The following GRIK2 variants were observed in gnomAD, a reference collection of about 807,000 sequenced individuals.
GRIK2 encodes glutamate receptor ionotropic, kainate 2.
Under a neutral mutation model 100.3 loss-of-function variants are expected in GRIK2, and 32 were observed. The ratio of observed to expected loss-of-function variants is 0.32; its 90% CI spans 0.24 to 0.43. The LOEUF is 0.43. Ranked by LOEUF, GRIK2 falls within the 20% of genes least tolerant of loss-of-function variation. GRIK2 has a pLI of 1.00. For synonymous variants in GRIK2, 417 were observed against 389.4 expected (o/e 1.07, Z -0.83); for missense variants, 843 against 1,114.9 (o/e 0.76, Z 3.47).
At chr6:101,442,910 C>G (rs1453854798) in intron 2 of GRIK2, among the ~76,000 whole-genome samples, 1 of 152,158 alleles carries the variant, frequency 6.6e-6, no homozygotes, top group Non-Finnish European at 1.5e-5. Flanking sequence ...GTTAGCAAGT[C>G]TTGACTGAAT....
At chr6:101,969,350 G>T (rs1224808921) in intron 14 of GRIK2, among the ~76,000 whole-genome samples, 1 of 151,810 alleles carries the variant, frequency 6.6e-6, no homozygotes, top group Non-Finnish European at 1.5e-5. Flanking sequence ...TAAAATATTT[G>T]AATTTGTATA....
In GRIK2 at chr6:101,970,207, A is replaced by ATTTT. The variant is rs3029072; in HGVS notation, c.2085+41583_2085+41586dup. Among the ~76,000 whole-genome samples, 5 of 149,590 alleles carry ATTTT rather than the reference A, an allele frequency of 3.3e-5. No individual in the cohort carries two copies. The South Asian group carries it at 1.1e-3, about 31-fold the overall frequency. ...CTAATGCCAAAGGGCCAGAGTAATGATTTTTTTTTTTCTCTAGGATTTTTG... is the reference window on the plus strand; with the variant it reads ...CTAATGCCAAAGGGCCAGAGTAATGATTTTTTTTTTTTTTTCTCTAGGATTTTTG... On this transcript the variant is annotated intron_variant, in intron 14 of 16. Transcript: ENST00000369134.
intron 7 of GRIK2, among the ~76,000 whole-genome samples, chr6:101,711,122 G>T (rs1361659889): frequency 6.6e-6 from 1 of 151,652 alleles, no homozygotes; most frequent in Non-Finnish European, 1.5e-5. Context: ...TTTTGTTATT[G>T]CACCCCTCTA....
At chr6:102,036,194 A>G (rs1490188034) in intron 15 of GRIK2, among the ~76,000 whole-genome samples, 2 of 150,846 alleles carry the variant, frequency 1.3e-5, no homozygotes, top group Admixed American at 1.3e-4. Context: ...ATATATACAA[A>G]CATGTATGAA....
intron 10 of GRIK2, among the ~76,000 whole-genome samples, chr6:101,858,591 G>A (rs1003668020): frequency 1.3e-5 from 2 of 151,470 alleles, no homozygotes; most frequent in Non-Finnish European, 2.9e-5. Context: ...GGGTTTCACC[G>A]TGTTAGCCAG....
chr6:101,861,810 T>A (rs1469400748), intron 11 of GRIK2, among the ~76,000 whole-genome samples: 1 of 152,144 alleles, frequency 6.6e-6, no homozygotes, highest in Non-Finnish European at 1.5e-5. Context: ...TGAAAATCAC[T>A]GATAATGAGG....
chr6:101,564,412 G>T (rs893773407), intron 2 of GRIK2, among the ~76,000 whole-genome samples: 1 of 151,962 alleles, frequency 6.6e-6, no homozygotes. Context: ...AAGCCTTTTT[G>T]AAAATATAAG....
chr6:102,019,867 G>T (rs1184249836), intron 14 of GRIK2, among the ~76,000 whole-genome samples: 1 of 151,856 alleles, frequency 6.6e-6, no homozygotes, highest in Non-Finnish European at 1.5e-5. Context: ...TCTAATGGTT[G>T]TCTATTTCAT....
intron 14 of GRIK2, among the ~76,000 whole-genome samples, chr6:101,953,070 C>T (rs1307953586): frequency 6.6e-6 from 1 of 152,080 alleles, no homozygotes; most frequent in Non-Finnish European, 1.5e-5. Flanking sequence ...TTTAACTGAA[C>T]TTTCATCTGT....
intron 7 of GRIK2, among the ~76,000 whole-genome samples, chr6:101,777,305 A>G (rs1350134806): frequency 6.6e-6 from 1 of 152,068 alleles, no homozygotes; most frequent in Non-Finnish European, 1.5e-5. Flanking sequence ...CAGCTGAATG[A>G]GTGAGCACCA....
intron 2 of GRIK2, among the ~76,000 whole-genome samples, chr6:101,415,060 T>C (rs914168737): frequency 2.0e-5 from 3 of 151,954 alleles, no homozygotes; most frequent in African/African-American, 4.8e-5. Context: ...TTGGAAAATA[T>C]GAAGTGTGAA....
intron 11 of GRIK2, among the ~76,000 whole-genome samples, chr6:101,880,552 A>G (rs906514890): frequency 1.6e-4 from 24 of 152,168 alleles, no homozygotes; most frequent in Admixed American, 5.9e-4. Context: ...ATATTATTTC[A>G]CAGTCGAGAA....
chr6:101,929,547 G>A (rs1002070499), intron 14 of GRIK2, among the ~76,000 whole-genome samples: 2 of 151,880 alleles, frequency 1.3e-5, no homozygotes, highest in African/African-American at 2.4e-5. Context: ...GGTTTCTATC[G>A]AGTGCCAGAA....
At chr6:101,786,049 T>C (rs1779402569) in intron 7 of GRIK2, among the ~76,000 whole-genome samples, 2 of 152,118 alleles carry the variant, frequency 1.3e-5, no homozygotes, top group Admixed American at 1.3e-4. Context: ...TTAAATTTAT[T>C]CCTAAGGTTT....
chr6:101,801,477 TAA>T (rs1052888205), intron 8 of GRIK2, among the ~76,000 whole-genome samples: 2 of 152,050 alleles, frequency 1.3e-5, no homozygotes, highest in African/African-American at 4.8e-5. Context: ...AGAAATTTAG[TAA>T]TATTAATTTC....
intron 14 of GRIK2, among the ~76,000 whole-genome samples, chr6:101,959,665 A>G (rs778847029): frequency 6.6e-6 from 1 of 151,400 alleles, no homozygotes; most frequent in Admixed American, 6.6e-5. Context: ...CCCTTGAGGG[A>G]CTTGTTAGGG....
chr6:101,896,305 T>TA (rs1439989839), intron 12 of GRIK2, among the ~76,000 whole-genome samples: 1 of 151,794 alleles, frequency 6.6e-6, no homozygotes, highest in Non-Finnish European at 1.5e-5. Flanking sequence ...ACAAAGAAGA[T>TA]AATTTAATCT....
At chr6:101,673,023 CCCACCTTTTCTCCACA>C (rs1770556379) in intron 4 of GRIK2, among the ~76,000 whole-genome samples, 1 of 152,144 alleles carries the variant, frequency 6.6e-6, no homozygotes, top group Non-Finnish European at 1.5e-5. Flanking sequence ...AATTTACATT[CCCACCTTTTCTCCACA>C]ACTTCACCAG....
At chr6:101,533,573 T>C (rs530222674) in intron 2 of GRIK2, among the ~76,000 whole-genome samples, 162 of 152,026 alleles carry the variant, frequency 1.1e-3, no homozygotes, top group South Asian at 3.5e-3. Context: ...TCTACAAAAC[T>C]ATTCAGAGAA....
Sources: gnomAD v4.1 joint callset for allele counts (sites outside exome capture counted in the v4.1 genomes callset) on GRCh38, gnomAD v4.1.1 for gene constraint, MANE v1.5 for transcripts, NCBI Gene and HGNC (gene_info 2026-07-23, HGNC 2026-07-21) for gene names.